Variants in B4GALT1 observed in about 807,000 individuals in gnomAD.
The protein encoded by B4GALT1 is beta-1,4-galactosyltransferase 1.
A neutral mutation model predicts 34.9 loss-of-function variants in B4GALT1; 16 were observed. The observed-to-expected ratio is 0.46, with a 90% CI of 0.31 to 0.70. The LOEUF (loss-of-function observed/expected upper bound fraction) is 0.70. Among genes scored for constraint, B4GALT1 ranks in the 30% least tolerant of loss-of-function variants. The pLI, the probability that B4GALT1 is intolerant of heterozygous loss-of-function variation, is 0.05. For synonymous variants in B4GALT1, 221 were observed against 218.1 expected (o/e 1.01, Z -0.12); for missense variants, 445 against 530.5 (o/e 0.84, Z 1.58).
intron 1 of B4GALT1, among the ~76,000 whole-genome samples, chr9:33,141,635 A>C (rs1462040890): frequency 1.3e-5 from 2 of 152,206 alleles, no homozygotes; most frequent in African/African-American, 4.8e-5. Flanking sequence ...AGGGGAATCA[A>C]CTAGGGGACA....
the B4GALT1 span, chr9:33,174,318 C>CAATGCAACA: frequency 3.3e-5 from 5 of 152,434 alleles, no homozygotes; most frequent in Admixed American, 3.3e-4. Flanking sequence ...AGGAAAAAAA[C>CAATGCAACA]AATGCAACAT....
At chr9:33,133,449 G>A (rs10971422) in intron 2 of B4GALT1, among the ~76,000 whole-genome samples, 2,185 of 152,328 alleles carry the variant, frequency 0.014, 26 homozygotes, top group Non-Finnish European at 0.024. Flanking sequence ...GGTGCTCGCT[G>A]CCACTGCTTT....
At chr9:33,109,162 G>C (rs1389988879), downstream of B4GALT1, among the ~76,000 whole-genome samples, 1 of 152,226 alleles carries the variant, frequency 6.6e-6, no homozygotes, top group Non-Finnish European at 1.5e-5. Context: ...AAGGGCTGAA[G>C]GTTGAGCTGA....
At chr9:33,150,860 A>G (rs1840507172) in intron 1 of B4GALT1, among the ~76,000 whole-genome samples, 1 of 152,222 alleles carries the variant, frequency 6.6e-6, no homozygotes, top group East Asian at 1.9e-4. Context: ...ATACCTGGGA[A>G]ATAGAAGTGG....
chr9:33,175,987 C>T, the B4GALT1 span, among the ~76,000 whole-genome samples: 1 of 152,206 alleles, frequency 6.6e-6, no homozygotes, highest in Non-Finnish European at 1.5e-5. Context: ...AAGAAAACCA[C>T]AATAGACACT....
At chr9:33,145,597 T>C (rs1442226415) in intron 1 of B4GALT1, among the ~76,000 whole-genome samples, 1 of 152,212 alleles carries the variant, frequency 6.6e-6, no homozygotes, top group African/African-American at 2.4e-5. Flanking sequence ...GTGGGAATTA[T>C]GTGTTGGCCC....
At chr9:33,134,971 T>C (rs1840244951) in intron 2 of B4GALT1, among the ~76,000 whole-genome samples, 1 of 152,096 alleles carries the variant, frequency 6.6e-6, no homozygotes, top group African/African-American at 2.4e-5. Context: ...ACGAAAACAC[T>C]CCAGCATTTC....
chr9:33,161,868 G>C (rs1167069197), intron 1 of B4GALT1, among the ~76,000 whole-genome samples: 1 of 152,192 alleles, frequency 6.6e-6, no homozygotes, highest in Non-Finnish European at 1.5e-5. Flanking sequence ...TGGGTAAACA[G>C]ATAGCAGGGA....
At chr9:33,167,543 A>T (rs1037636556), upstream of B4GALT1, among the ~76,000 whole-genome samples, 1 of 152,120 alleles carries the variant, frequency 6.6e-6, no homozygotes, top group Non-Finnish European at 1.5e-5. Context: ...TGCAGCTCCG[A>T]CGCTTGGCCG....
chr9:33,119,194 A>C (rs1839984945), intron 3 of B4GALT1, among the ~76,000 whole-genome samples: 1 of 152,218 alleles, frequency 6.6e-6, no homozygotes, highest in Non-Finnish European at 1.5e-5. Flanking sequence ...TTTTATGTTA[A>C]TATAAACACG....
chr9:33,183,733 G>T, the B4GALT1 span, among the ~76,000 whole-genome samples: 1 of 151,434 alleles, frequency 6.6e-6, no homozygotes. Flanking sequence ...GTATACATAT[G>T]TAACTAACCT....
At chr9:33,104,455 C>G (rs1036266361) in exon 3 of B4GALT1, 4 of 209,758 alleles carry the variant, frequency 1.9e-5, no homozygotes, top group African/African-American at 9.4e-5. Flanking sequence ...ACTTCTCCAC[C>G]TAAGCCCCAC....
chr9:33,107,296 G>A (rs1233427049), downstream of B4GALT1, among the ~76,000 whole-genome samples: 2 of 152,206 alleles, frequency 1.3e-5, no homozygotes, highest in East Asian at 3.8e-4. Context: ...GTTCTAAGAA[G>A]AAACCAGCCC....
chr9:33,105,997 T>C (rs775906235), downstream of B4GALT1, among the ~76,000 whole-genome samples: 1 of 151,726 alleles, frequency 6.6e-6, no homozygotes, highest in Non-Finnish European at 1.5e-5. Context: ...CTTGTTGCAT[T>C]CTATGGTAAT....
At chr9:33,124,170 C>T (rs1190723693) in intron 2 of B4GALT1, among the ~76,000 whole-genome samples, 1 of 152,178 alleles carries the variant, frequency 6.6e-6, no homozygotes, top group African/African-American at 2.4e-5. Flanking sequence ...CACTGGGGCA[C>T]ACACCTTCTT....
chr9:33,183,190 C>A, the B4GALT1 span, among the ~76,000 whole-genome samples: 1 of 152,082 alleles, frequency 6.6e-6, no homozygotes, highest in African/African-American at 2.4e-5. Flanking sequence ...ATGAATCATC[C>A]TTTTTTCCAG....
chr9:33,166,775 T>G lies in B4GALT1; in HGVS notation c.395A>C (p.Glu132Ala). Residue 132 changes from glutamate to alanine, a missense_variant, in exon 1 of 6, where the codon GAG becomes GCG. Physicochemically the swap from Glu to Ala is moderately radical, Grantham distance 107. Transcript: ENST00000379731. ...GTCCTTACCAAGCAGCGGGGACTCC[T>G]CAGGGCAGGCGGGCAGCGACAGTGC... ...TTALSLPACPEESPLLVGPML... is the reference protein window; with the variant it reads ...TTALSLPACPAESPLLVGPML... 6.6e-7 allele frequency: 1 copy of G among 1,522,874 alleles called. No individual in the cohort carries two copies. Among genetic ancestry groups the G allele is most frequent in the Non-Finnish European group, 8.8e-7 (1 of 1,142,214 alleles). The allele number at this position is 1,522,874 out of a possible 1,614,324, so 94.3% of individuals were successfully genotyped here. A position where few individuals can be genotyped will look rare whatever the true frequency, so the allele number is the denominator to read the frequency against.
chr9:33,171,038 C>T (rs1416229210), upstream of B4GALT1, among the ~76,000 whole-genome samples: 1 of 152,256 alleles, frequency 6.6e-6, no homozygotes, highest in African/African-American at 2.4e-5. Flanking sequence ...CCCTCTTCTG[C>T]ACCTGCCAGG....
chr9:33,176,143 C>T, the B4GALT1 span, among the ~76,000 whole-genome samples: 3 of 152,190 alleles, frequency 2.0e-5, no homozygotes, highest in African/African-American at 7.2e-5. Flanking sequence ...TTGGATGGAG[C>T]TCTTGGCTCC....
Sources: gnomAD v4.1 joint callset for allele counts (sites outside exome capture counted in the v4.1 genomes callset) on GRCh38, gnomAD v4.1.1 for gene constraint, MANE v1.5 for transcripts, NCBI Gene and HGNC (gene_info 2026-07-23, HGNC 2026-07-21) for gene names.